CTBP2: variants seen among roughly 807,000 people sequenced by gnomAD.
The protein encoded by CTBP2 is C-terminal-binding protein 2.
Under a neutral mutation model 80.3 loss-of-function variants are expected in CTBP2, and 30 were observed. That is an observed-to-expected ratio of 0.37 (90% CI 0.28 to 0.51). CTBP2 has a LOEUF of 0.51. Ranked by LOEUF, CTBP2 falls within the 20% of genes least tolerant of loss-of-function variation. CTBP2 has a pLI of 0.93. For missense variants in CTBP2, 1,212 were observed against 1,375.3 expected (o/e 0.88, Z 1.88); for synonymous variants, 594 against 587.4 (o/e 1.01, Z -0.16).
chr10:125,112,701 C>T (rs1852514371), intron 1 of CTBP2, among the ~76,000 whole-genome samples: 1 of 152,228 alleles, frequency 6.6e-6, no homozygotes, highest in Non-Finnish European at 1.5e-5. Flanking sequence ...TGCTGGGATA[C>T]AGGCATGAGC....
intron 2 of CTBP2, among the ~76,000 whole-genome samples, chr10:125,092,729 C>G (rs1253982000): frequency 6.6e-6 from 1 of 152,170 alleles, no homozygotes; most frequent in African/African-American, 2.4e-5. Context: ...GGTGTCCTGT[C>G]TCTGGATAAG....
rs952693511 is a variant in CTBP2, at chr10:125,012,635, A to T, written c.1679-9143T>A. Among the ~76,000 whole-genome samples the T allele has an allele frequency of 8.6e-5, 13 of 152,044 alleles. 1 individual carries two copies. On this transcript the variant is annotated intron_variant, in intron 1 of 8. Transcript: ENST00000309035. ...AGCCTCAGGGCATCGCCAAAGACTAAAAATTGTTGTTGTTGTTGTTTTGAG... is the reference window on the plus strand; with the variant it reads ...AGCCTCAGGGCATCGCCAAAGACTATAAATTGTTGTTGTTGTTGTTTTGAG...
chr10:125,122,128 C>G (rs1373892301), intron 1 of CTBP2, among the ~76,000 whole-genome samples: 1 of 152,184 alleles, frequency 6.6e-6, no homozygotes. Context: ...CCCTAAAGGA[C>G]ATAGAAATAT....
intron 2 of CTBP2, among the ~76,000 whole-genome samples, chr10:125,104,313 T>A (rs1033513669): frequency 3.5e-4 from 54 of 152,344 alleles, no homozygotes; most frequent in South Asian, 2.5e-3. Context: ...CTGCTGCTCA[T>A]CCACGGCTGT....
chr10:125,096,549 G>C (rs1849573894), intron 2 of CTBP2, among the ~76,000 whole-genome samples: 1 of 152,106 alleles, frequency 6.6e-6, no homozygotes, highest in African/African-American at 2.4e-5. Context: ...AACAGTTACT[G>C]GACAGGAGAA....
intron 1 of CTBP2, among the ~76,000 whole-genome samples, chr10:125,120,177 C>T (rs1454128881): frequency 6.6e-6 from 1 of 152,204 alleles, no homozygotes; most frequent in East Asian, 1.9e-4. Flanking sequence ...GAAAGAGGCA[C>T]AGCCAAAGCC....
intron 1 of CTBP2, among the ~76,000 whole-genome samples, chr10:125,115,010 T>C (rs953988478): frequency 1.4e-4 from 21 of 152,064 alleles, no homozygotes; most frequent in African/African-American, 4.8e-4. Flanking sequence ...AACTCACATT[T>C]TGGCTGTCTA....
intron 2 of CTBP2, among the ~76,000 whole-genome samples, chr10:125,105,340 T>C (rs981717897): frequency 1.3e-5 from 2 of 152,158 alleles, no homozygotes; most frequent in East Asian, 3.9e-4. Flanking sequence ...TTTATAGAGA[T>C]GGGGTCTTGC....
chr10:125,149,470 C>T lies in CTBP2; in HGVS notation c.-206+10849G>A, dbSNP rs1859418848. ...AGGTGAGCCAGGACACCGGGACTCA[C>T]ATGACTGATTTGTCAAGAGACTCCT... On this transcript the variant is annotated intron_variant, in intron 1 of 10. Transcript: ENST00000337195. Among the ~76,000 whole-genome samples, 4 of 152,172 alleles carry T rather than the reference C, an allele frequency of 2.6e-5. No individual in the cohort carries two copies. In the South Asian group the frequency reaches 8.3e-4, roughly 31 times the overall value.
At chr10:125,031,061 C>T (rs888758328), upstream of CTBP2, among the ~76,000 whole-genome samples, 6 of 152,232 alleles carry the variant, frequency 3.9e-5, no homozygotes, top group African/African-American at 1.2e-4. Flanking sequence ...GCGGGTAACA[C>T]GGTTTTCTGG....
intron 2 of CTBP2, among the ~76,000 whole-genome samples, chr10:125,076,941 G>A (rs1291777306): frequency 1.3e-5 from 2 of 152,120 alleles, no homozygotes; most frequent in African/African-American, 2.4e-5. Context: ...ACTTCCTGCT[G>A]GTCCATTAAT....
At chr10:124,991,482 G>A (rs1233114482) in intron 8 of CTBP2, among the ~76,000 whole-genome samples, 2 of 152,198 alleles carry the variant, frequency 1.3e-5, no homozygotes, top group African/African-American at 2.4e-5. Context: ...CCAAAAGGAC[G>A]GGGCTGGATG....
Position 125,149,813 on chromosome 10 carries a change from G to A in CTBP2, c.-206+10506C>T, listed in dbSNP as rs114132433. Among the ~76,000 whole-genome samples the A allele has an allele frequency of 3.3e-3, 501 of 152,306 alleles. 5 individuals are homozygous for A. The highest frequency in any genetic ancestry group is 0.011 in the African/African-American group (467 of 41,558). On this transcript the variant is annotated intron_variant, in intron 1 of 10. Coordinates refer to the CTBP2 transcript ENST00000337195. ...CATCACCTGCTCCGGGTACTCTTCC[G>A]GTGGAGCGGGGCTGGTCTCTGGATT...
At chr10:125,011,926 C>T (rs949468014) in intron 1 of CTBP2, among the ~76,000 whole-genome samples, 6 of 152,260 alleles carry the variant, frequency 3.9e-5, no homozygotes, top group African/African-American at 1.4e-4. Context: ...CCGTCACCTT[C>T]ACCTAACCCC....
In CTBP2 at chr10:124,987,200, ATAGTCCTTTT is replaced by A. The variant is rs1301013892; in HGVS notation, c.*2308_*2317del. The A allele has an allele frequency of 6.7e-6, 1 of 148,230 alleles. No individual in the cohort carries two copies. The highest frequency in any genetic ancestry group is 1.5e-5 in the Non-Finnish European group (1 of 66,710). 9.2% of individuals were successfully genotyped at this position (148,230 alleles called of 1,614,324 possible). A position where few individuals can be genotyped will look rare whatever the true frequency, so the allele number is the denominator to read the frequency against. On this transcript the variant is annotated 3_prime_UTR_variant, in exon 9 of 9. Transcript: ENST00000309035. Reference sequence around the variant, plus strand: ...CATAATTATTGTCCCAAGATAGAATATAGTCCTTTTTCAAAGATGATTATACGTGGCTAGG... The same window carrying A: ...CATAATTATTGTCCCAAGATAGAATATCAAAGATGATTATACGTGGCTAGG...
intron 1 of CTBP2, among the ~76,000 whole-genome samples, chr10:125,115,082 G>A (rs545029100): frequency 6.6e-6 from 1 of 152,164 alleles, no homozygotes; most frequent in African/African-American, 2.4e-5. Flanking sequence ...CCTGCTTCAA[G>A]GTGGGGCACC....
intron 3 of CTBP2, among the ~76,000 whole-genome samples, chr10:125,034,247 G>A (rs934314104): frequency 1.3e-5 from 2 of 152,210 alleles, no homozygotes; most frequent in African/African-American, 2.4e-5. Flanking sequence ...AGGAACAGGT[G>A]GGGTGAGGGG....
At chr10:125,096,259 C>T (rs1165653510) in intron 2 of CTBP2, among the ~76,000 whole-genome samples, 2 of 152,132 alleles carry the variant, frequency 1.3e-5, no homozygotes, top group South Asian at 4.1e-4. Context: ...ATTTCCTTTT[C>T]GTCTTTTTTT....
At chr10:125,103,871 T>A (rs1291793647) in intron 2 of CTBP2, among the ~76,000 whole-genome samples, 6 of 151,920 alleles carry the variant, frequency 3.9e-5, no homozygotes, top group Admixed American at 6.6e-5. Context: ...GTAAGCACCC[T>A]CCCACCCCTG....
Sources: gnomAD v4.1 joint callset for allele counts (sites outside exome capture counted in the v4.1 genomes callset) on GRCh38, gnomAD v4.1.1 for gene constraint, MANE v1.5 for transcripts, NCBI Gene and HGNC (gene_info 2026-07-23, HGNC 2026-07-21) for gene names.